Variants in TTC23 observed in about 807,000 individuals in gnomAD.
TTC23 encodes the protein tetratricopeptide repeat domain 23, also known as tetratricopeptide repeat protein 23.
Under a neutral mutation model 55.1 loss-of-function variants are expected in TTC23, and 58 were observed. The ratio of observed to expected loss-of-function variants is 1.05; its 90% CI spans 0.85 to 1.31. The LOEUF (loss-of-function observed/expected upper bound fraction) is 1.31. Among genes scored for constraint, TTC23 ranks in the 50% most tolerant of loss-of-function variants. The pLI, the probability that TTC23 is intolerant of heterozygous loss-of-function variation, is 0.00. For synonymous variants in TTC23, 203 were observed against 199.9 expected (o/e 1.02, Z -0.13); for missense variants, 516 against 534.4 (o/e 0.97, Z 0.34).
chr15:99,193,412 GT>G, intron 9 of TTC23, among the ~76,000 whole-genome samples: 1 of 152,232 alleles, frequency 6.6e-6, no homozygotes, highest in African/African-American at 2.4e-5. Context: ...TGCTGTTCTT[GT>G]GATAGTGAGT....
At chr15:99,171,598 C>T (rs1002489102) in intron 10 of TTC23, among the ~76,000 whole-genome samples, 1 of 130,534 alleles carries the variant, frequency 7.7e-6, no homozygotes, top group Non-Finnish European at 1.5e-5. Flanking sequence ...GAGTCTCGCT[C>T]TGTCGCCAGG....
chr15:99,186,075 C>A (rs1359511178), intron 9 of TTC23, among the ~76,000 whole-genome samples: 6 of 152,058 alleles, frequency 3.9e-5, no homozygotes. Flanking sequence ...CCTTACTGCA[C>A]CTTTCTGTAT....
At chr15:99,168,056 G>A (rs567650698) in intron 10 of TTC23, among the ~76,000 whole-genome samples, 2 of 152,294 alleles carry the variant, frequency 1.3e-5, no homozygotes, top group Admixed American at 1.3e-4. Flanking sequence ...ATAAAGCCCG[G>A]AAGAGACTCC....
At chr15:99,235,612 C>T (rs2079258400) in intron 3 of TTC23, among the ~76,000 whole-genome samples, 1 of 152,098 alleles carries the variant, frequency 6.6e-6, no homozygotes, top group Admixed American at 6.5e-5. Flanking sequence ...CCTCGTGATC[C>T]GCCTGCCTTG....
At chr15:99,233,749 AGATTT>A (rs2079102070) in intron 4 of TTC23, among the ~76,000 whole-genome samples, 5 of 152,208 alleles carry the variant, frequency 3.3e-5, no homozygotes, top group African/African-American at 1.2e-4. Flanking sequence ...TGTGAAATTT[AGATTT>A]AAATCTAAAA....
At chr15:99,162,852 G>T (rs553319398) in intron 10 of TTC23, among the ~76,000 whole-genome samples, 1 of 152,246 alleles carries the variant, frequency 6.6e-6, no homozygotes, top group East Asian at 1.9e-4. Context: ...GGCCAAGGTG[G>T]GAGGATCGCT....
chr15:99,214,856 T>TC (rs1305978388), intron 8 of TTC23, among the ~76,000 whole-genome samples: 1 of 142,288 alleles, frequency 7.0e-6, no homozygotes, highest in East Asian at 2.1e-4. Context: ...TTTCTCCTTT[T>TC]TTTTTTTTTT....
intron 12 of TTC23, among the ~76,000 whole-genome samples, chr15:99,142,922 C>T (rs2068413853): frequency 6.6e-6 from 1 of 152,224 alleles, no homozygotes; most frequent in South Asian, 2.1e-4. Context: ...AGGGGCGCCC[C>T]ATCCTTACCC....
chr15:99,142,744 C>T (rs1792314356), intron 12 of TTC23, among the ~76,000 whole-genome samples: 1 of 152,164 alleles, frequency 6.6e-6, no homozygotes, highest in Admixed American at 6.5e-5. Flanking sequence ...ACTGACAGTG[C>T]TTATGCAAAT....
intron 12 of TTC23, among the ~76,000 whole-genome samples, chr15:99,148,359 C>CAAAAAAAAAA (rs1567326659): frequency 9.6e-4 from 1 of 1,038 alleles, no homozygotes. Flanking sequence ...AGACTCTGTA[C>CAAAAAAAAAA]CAAAAAAAAA....
chr15:99,220,311 T>G (rs1027571771), intron 6 of TTC23, among the ~76,000 whole-genome samples: 11 of 152,146 alleles, frequency 7.2e-5, no homozygotes, highest in Non-Finnish European at 1.3e-4. Flanking sequence ...TGGCACCAAA[T>G]GAGACTTTAA....
chr15:99,175,850 C>G (rs1421696352), intron 9 of TTC23, among the ~76,000 whole-genome samples: 1 of 152,096 alleles, frequency 6.6e-6, no homozygotes, highest in Non-Finnish European at 1.5e-5. Flanking sequence ...TAAAAATTAG[C>G]CGGGTATGGT....
intron 9 of TTC23, among the ~76,000 whole-genome samples, chr15:99,184,126 A>ATT (rs891280838): frequency 2.0e-4 from 30 of 152,190 alleles, no homozygotes; most frequent in African/African-American, 6.0e-4. Flanking sequence ...ATGGATGGAA[A>ATT]TGCCTGGGTG....
At chr15:99,148,442 C>T (rs2069255347) in intron 12 of TTC23, 1 of 145,356 alleles carries the variant, frequency 6.9e-6, no homozygotes, top group South Asian at 2.3e-4. Flanking sequence ...AACTACGTTC[C>T]AACTCCTTTC....
Position 99,221,858 on chromosome 15 carries a change from GT to G in TTC23, c.186del (p.Lys62AsnfsTer11), listed in dbSNP as rs763390977. The G allele has an allele frequency of 1.2e-5, 19 of 1,613,982 alleles. No individual in the cohort carries two copies. In the South Asian group the frequency reaches 2.0e-4, roughly 17 times the overall value. ...AKSYSNSHEYKQAVHELVRCV... is the reference protein window; with the variant it reads ...AKSYSNSHEYXQAVHELVRCV... ...CAACGCACAAGCTCATGGACGGCCT[GT>G]TTGTACTGTTAGGAAGAGAAAACAG... On this transcript the variant is annotated frameshift_variant, in exon 6 of 14. Transcript: ENST00000394132. LOFTEE classifies it high-confidence loss of function.
At chr15:99,214,588 G>C (rs991818384) in intron 8 of TTC23, among the ~76,000 whole-genome samples, 8 of 151,208 alleles carry the variant, frequency 5.3e-5, no homozygotes, top group Non-Finnish European at 1.2e-4. Context: ...ACCACACTTG[G>C]ATAAATTAAA....
chr15:99,201,671 G>C (rs926782844), intron 8 of TTC23, among the ~76,000 whole-genome samples: 4 of 152,174 alleles, frequency 2.6e-5, no homozygotes, highest in Non-Finnish European at 5.9e-5. Flanking sequence ...AACTCAGGAA[G>C]ACTTCAGGGA....
At position 99,228,599 on chromosome 15, in the gene TTC23, G is replaced by A. The variant is rs755434023; in HGVS notation, c.114C>T (p.Phe38=). Residue 38 remains phenylalanine (F), a synonymous_variant, in exon 5 of 14, where the codon TTC becomes TTT. Coordinates refer to ENST00000394132, the MANE Select transcript of TTC23 (RefSeq NM_001288615.3). ...GGTGGAGTTTCTCTCGAGGAGGCTG[G>A]AATAGTGCTGTCTGAAGCAGCTTGT... The part of the protein sequence containing the change: ...FQNKLLQTAL[F]QPPREKLHLC... 2.5e-6 allele frequency: 4 copies of A among 1,614,026 alleles called. No individual in the cohort carries two copies. The Admixed American group carries it at 6.7e-5, about 27-fold the overall frequency.
At chr15:99,200,578 C>A (rs1252268458) in intron 8 of TTC23, among the ~76,000 whole-genome samples, 1 of 151,996 alleles carries the variant, frequency 6.6e-6, no homozygotes, top group African/African-American at 2.4e-5. Flanking sequence ...AGAAATTTCC[C>A]AGTATTGGGA....
Sources: allele counts gnomAD v4.1 joint callset (sites outside exome capture counted in the v4.1 genomes callset), GRCh38; gene constraint gnomAD v4.1.1; transcripts MANE v1.5; gene names NCBI Gene and HGNC (gene_info 2026-07-23, HGNC 2026-07-21).